Variants in TRAF7 observed in about 807,000 individuals in gnomAD.
TRAF7 encodes E3 ubiquitin-protein ligase TRAF7.
A neutral mutation model predicts 89.3 loss-of-function variants in TRAF7; 45 were observed. That is an observed-to-expected ratio of 0.50 (90% CI 0.40 to 0.65). The LOEUF (loss-of-function observed/expected upper bound fraction) is 0.65, where lower values mean the gene tolerates loss of function less well. Ranked by LOEUF, TRAF7 falls within the 30% of genes least tolerant of loss-of-function variation. The pLI is 0.00. For missense variants in TRAF7, 677 were observed against 918.1 expected (o/e 0.74, Z 3.39); for synonymous variants, 406 against 369.2 (o/e 1.10, Z -1.14).
chr16:2,164,174 GCGCGCGCA>G (rs1341685452), intron 2 of TRAF7, among the ~76,000 whole-genome samples, 173 bp downstream of exon 2: 87 of 129,462 alleles, frequency 6.7e-4, no homozygotes, highest in African/African-American at 1.8e-3. Context: ...GCGCGCGCGC[GCGCGCGCA>G]CGCGTGCGTG....
intron 12 of TRAF7, 23 bp downstream of exon 12, chr16:2,173,859 T>TGGGGGC: frequency 1.0e-5 from 13 of 1,246,090 alleles, no homozygotes; most frequent in Non-Finnish European, 1.3e-5. Context: ...CCGCCGTGGC[T>TGGGGGC]CCCGCCCACC....
At chr16:2,174,455 C>A (rs1313152508) in intron 14 of TRAF7, 122 bp downstream of exon 14, 14 of 860,288 alleles carry the variant, frequency 1.6e-5, no homozygotes, top group Non-Finnish European at 2.3e-5. Context: ...ACCTATAGGG[C>A]ACCCTCCACC....
In TRAF7 at chr16:2,177,532, G is replaced by A. The variant is rs2093143655; in HGVS notation, c.*958G>A. The A allele has an allele frequency of 4.3e-6, 1 of 234,270 alleles. No homozygotes were observed. 14.5% of individuals were successfully genotyped at this position (234,270 alleles called of 1,614,324 possible). ...AGGGGGCAGGAGGAGAGAGGAAAAGGGAGGGCGAGAATGACCACACAACAC... is the reference window on the plus strand; with the variant it reads ...AGGGGGCAGGAGGAGAGAGGAAAAGAGAGGGCGAGAATGACCACACAACAC... On this transcript the variant is annotated 3_prime_UTR_variant, in exon 21 of 21. Coordinates refer to ENST00000326181, the MANE Select transcript of TRAF7 (RefSeq NM_032271.3).
intron 2 of TRAF7, among the ~76,000 whole-genome samples, chr16:2,165,279 G>A (rs942025848): frequency 1.4e-5 from 2 of 139,502 alleles, no homozygotes; most frequent in Non-Finnish European, 3.1e-5. Flanking sequence ...GCGTGTTAGT[G>A]CTGCGTGGCG....
In TRAF7 at chr16:2,172,637, G is replaced by A. The variant is rs1326669315; in HGVS notation, c.794+38G>A. On this transcript the variant is annotated intron_variant, in intron 9 of 20. Transcript: ENST00000326181. ...CGGGCGGGGGTGGGCCGGGGTGGGC[G>A]CAGGCCCTCCACAGGCTCCGCTGAG... is the stretch of plus-strand genomic sequence containing the variant. The A allele has an allele frequency of 4.6e-6, 7 of 1,528,128 alleles. No individual in the cohort carries two copies. The East Asian group carries it at 9.8e-5, about 21-fold the overall frequency. 94.7% of individuals were successfully genotyped at this position (1,528,128 alleles called of 1,614,324 possible).
At chr16:2,166,576 A>T (rs1003641981) in intron 3 of TRAF7, among the ~76,000 whole-genome samples, 2 of 152,030 alleles carry the variant, frequency 1.3e-5, no homozygotes, top group Non-Finnish European at 2.9e-5. Flanking sequence ...AATTTTTTTT[A>T]TGTTTGGTAG....
At chr16:2,165,542 G>C (rs2093081718) in intron 2 of TRAF7, among the ~76,000 whole-genome samples, 1 of 131,700 alleles carries the variant, frequency 7.6e-6, no homozygotes, top group African/African-American at 3.0e-5. Flanking sequence ...GGCCTGGCCT[G>C]GTCGCATGGT....
chr16:2,177,866 GC>G lies in TRAF7; in HGVS notation c.*1297del. ...CGGAGGAGCCCCCGGCAGAGCACCC[GC>G]CCCCGGGCCCCAGCCTTCCACCTGT... On this transcript the variant is annotated 3_prime_UTR_variant, in exon 21 of 21. Transcript: ENST00000326181. The G allele has an allele frequency of 7.0e-6, 2 of 286,292 alleles. No homozygotes were observed. The highest frequency in any genetic ancestry group is 1.3e-5 in the Non-Finnish European group (2 of 149,048). 17.7% of individuals were successfully genotyped at this position (286,292 alleles called of 1,614,324 possible).
At chr16:2,172,789 C>T (rs1356589098) in intron 9 of TRAF7, among the ~76,000 whole-genome samples, 190 bp downstream of exon 9, 2 of 148,338 alleles carry the variant, frequency 1.3e-5, no homozygotes, top group Admixed American at 6.8e-5. Flanking sequence ...GGAAGGCGGG[C>T]GTGGACGCTC....
At position 2,158,293 on chromosome 16, in the gene TRAF7, G is replaced by C. The variant is rs575365469; in HGVS notation, c.-39+2435G>C. Among the ~76,000 whole-genome samples the C allele has an allele frequency of 1.7e-4, 26 of 152,348 alleles. No individual in the cohort carries two copies. The highest frequency in any genetic ancestry group is 6.3e-4 in the African/African-American group (26 of 41,580). On this transcript the variant is annotated intron_variant, in intron 1 of 20. Coordinates refer to ENST00000326181, the MANE Select transcript of TRAF7 (RefSeq NM_032271.3). This position sits in a 1 kb window ranked among gnomAD's most constrained non-coding sequence, Gnocchi z 4.7. ...CCCACCAACCCCTTAGTCTTTGACA[G>C]ATCCGCTGCTGTCCCCAGCCTTGCT...
rs2141297051 is a variant in TRAF7 at position 2,175,859 on chromosome 16, G to C, written c.1652G>C (p.Cys551Ser). 6.2e-7 allele frequency: 1 copy of C among 1,613,520 alleles called. No homozygotes were observed. Among genetic ancestry groups the C allele is most frequent in the Non-Finnish European group, 8.5e-7 (1 of 1,179,962 alleles). ...ATCTGGGACATCCGAACCCTTGACT[G>C]CATCCACGTCCTGCAGACGTCTGGT... Reference protein sequence around the residue: ...IKIWDIRTLDCIHVLQTSGGS... With the variant: ...IKIWDIRTLDSIHVLQTSGGS... Residue 551 changes from cysteine (C) to serine (S), a missense_variant, in exon 18 of 21, where the codon TGC (cysteine) becomes TCC (serine). Transcript: ENST00000326181.
Position 2,171,056 on chromosome 16 carries a change from C to T in TRAF7, c.349-208C>T, listed in dbSNP as rs544605314. On this transcript the variant is annotated intron_variant, in intron 5 of 20. Transcript: ENST00000326181. ...AGGCTGGGCGGCTGAACTCATCCTC[C>T]GGGGTTGGGCCCTGCCTCTGGGGCC... 7.9e-5 allele frequency among the ~76,000 whole-genome samples: 12 copies of T among 152,284 alleles called. No individual in the cohort carries two copies. In the South Asian group the frequency reaches 1.0e-3, roughly 13 times the overall value.
chr16:2,174,208 G>T, intron 13 of TRAF7, 43 bp from the exon 14 acceptor site: 1 of 1,605,322 alleles, frequency 6.2e-7, no homozygotes, highest in Non-Finnish European at 8.5e-7. Flanking sequence ...CCTTGACACT[G>T]GGCTGACCTT....
chr16:2,174,220 C>T, intron 13 of TRAF7, 31 bp from the exon 14 acceptor site: 1 of 1,608,296 alleles, frequency 6.2e-7, no homozygotes, highest in Non-Finnish European at 8.5e-7. Flanking sequence ...GCTGACCTTG[C>T]TGGGACCCAC....
Position 2,162,628 on chromosome 16 carries a change from C to T in TRAF7, c.-38-1255C>T, listed in dbSNP as rs1002655358. Among the ~76,000 whole-genome samples, 11 of 152,012 alleles carry T rather than the reference C, an allele frequency of 7.2e-5. No homozygotes were observed. Among genetic ancestry groups the T allele is most frequent in the African/African-American group, 7.2e-5 (3 of 41,418 alleles). The stretch of plus-strand genomic sequence containing the variant: ...GGCTTCCCCAGGGTGAGAGCAGGGC[C>T]GCAGGAGTGGGCTCCCTGCTGCTGC... On this transcript the variant is annotated intron_variant, in intron 1 of 20. Coordinates refer to ENST00000326181, the MANE Select transcript of TRAF7 (RefSeq NM_032271.3). This position sits in a 1 kb window ranked among gnomAD's most constrained non-coding sequence, Gnocchi z 5.0.
chr16:2,171,260 C>T lies in TRAF7; in HGVS notation c.349-4C>T, dbSNP rs752991506. Reference sequence around the variant, plus strand: ...CATCGCCTGCCTTTCCCGCTTGGTTCCAGGAGCCACTGGTGTTTGCGGAGC... The same window carrying T: ...CATCGCCTGCCTTTCCCGCTTGGTTTCAGGAGCCACTGGTGTTTGCGGAGC... On this transcript the variant is annotated splice_polypyrimidine_tract_variant and splice_region_variant and intron_variant, in intron 5 of 20. Transcript: ENST00000326181. 2 of 1,545,080 alleles carry T rather than the reference C, an allele frequency of 1.3e-6. No individual in the cohort carries two copies. Among genetic ancestry groups the T allele is most frequent in the Admixed American group, 3.9e-5 (2 of 51,146 alleles).
rs2093120377 is a variant in TRAF7 at position 2,173,082 on chromosome 16, G to T, written c.795-100G>T. 4.5e-6 allele frequency: 5 copies of T among 1,111,280 alleles called. No homozygotes were observed. The South Asian group carries it at 7.0e-5, about 16-fold the overall frequency. The allele number at this position is 1,111,280 out of a possible 1,614,324, so 68.8% of individuals were successfully genotyped here. A position where few individuals can be genotyped will look rare whatever the true frequency, so the allele number is the denominator to read the frequency against. ...TGTGGGTGGGGGCAGCTGGACCTGGGGTGCAGCGGCCACAGGGCTGGAGCA... is the reference window on the plus strand; with the variant it reads ...TGTGGGTGGGGGCAGCTGGACCTGGTGTGCAGCGGCCACAGGGCTGGAGCA... On this transcript the variant is annotated intron_variant, in intron 9 of 20. Coordinates refer to ENST00000326181, the MANE Select transcript of TRAF7 (RefSeq NM_032271.3).
chr16:2,170,659 C>G lies in TRAF7; in HGVS notation c.277C>G (p.Arg93Gly), dbSNP rs1466445292. The stretch of plus-strand genomic sequence containing the variant: ...CCGCTCCGACTCCGCCATCTCTGTC[C>G]GCTCCCTGCACTCAGAGTCCAGCAT... ...PRRSDSAISV[R>G]SLHSESSMSL... Residue 93 changes from arginine (R) to glycine (G), a missense_variant, in exon 5 of 21, where the codon CGC becomes GGC. Physicochemically the swap from Arg to Gly is moderately radical, Grantham distance 125. Around this residue, in one of 6 missense-constraint regions of TRAF7, gnomAD observed 240 missense variants for 191.9 expected, o/e 1.25. Coordinates refer to ENST00000326181, the MANE Select transcript of TRAF7 (RefSeq NM_032271.3). The G allele has an allele frequency of 6.2e-7, 1 of 1,610,496 alleles. No individual in the cohort carries two copies. The highest frequency in any genetic ancestry group is 8.5e-7 in the Non-Finnish European group (1 of 1,178,820).
chr16:2,164,401 T>C (rs1402295139), intron 2 of TRAF7, among the ~76,000 whole-genome samples: 2 of 142,812 alleles, frequency 1.4e-5, no homozygotes, highest in East Asian at 2.2e-4. Context: ...CCTGGTCGCA[T>C]GGTTAAGCGT....
Sources: gnomAD v4.1 joint callset for allele counts (sites outside exome capture counted in the v4.1 genomes callset) on GRCh38, gnomAD v4.1.1 for gene constraint, gnomAD v4.1.1 regional missense constraint, Gnocchi (gnomAD v3.1) non-coding constraint, MANE v1.5 for transcripts, NCBI Gene and HGNC (gene_info 2026-07-23, HGNC 2026-07-21) for gene names.